NCKAP5: variants seen among roughly 807,000 people sequenced by gnomAD.
The protein encoded by NCKAP5 is NCK associated protein 5.
In NCKAP5, 92 loss-of-function variants were observed where a neutral mutation model predicts 167.0. The ratio of observed to expected loss-of-function variants is 0.55; its 90% CI spans 0.47 to 0.66. The LOEUF (loss-of-function observed/expected upper bound fraction) is 0.66. Ranked by LOEUF, NCKAP5 falls within the 30% of genes least tolerant of loss-of-function variation. The probability of loss-of-function intolerance (pLI) is 0.00; values close to 1 mark genes in which losing one functional copy is unlikely to be tolerated. For synonymous variants in NCKAP5, 891 were observed against 877.4 expected, an observed-to-expected ratio of 1.02 and a Z score of -0.27; for missense variants, 2,378 against 2,315.0, an observed-to-expected ratio of 1.03 and a Z score of -0.56.
intron 4 of NCKAP5, among the ~76,000 whole-genome samples, chr2:133,225,905 C>T (rs2086865897): frequency 6.6e-6 from 1 of 151,180 alleles, no homozygotes; most frequent in Non-Finnish European, 1.5e-5. Context: ...GCCTCAGCCT[C>T]CCGAGTAGCT....
At chr2:132,898,104 C>A (rs115180994) in intron 8 of NCKAP5, among the ~76,000 whole-genome samples, 131 of 152,332 alleles carry the variant, frequency 8.6e-4, no homozygotes, top group African/African-American at 3.1e-3. Flanking sequence ...CTTCTCAAAC[C>A]CTGCCAATGC....
chr2:133,022,150 C>A (rs1012160927), intron 6 of NCKAP5, among the ~76,000 whole-genome samples: 1 of 151,820 alleles, frequency 6.6e-6, no homozygotes, highest in Non-Finnish European at 1.5e-5. Context: ...AAGAACACGT[C>A]ACCTCAAAAT....
chr2:133,465,280 T>A (rs1692494240), intron 3 of NCKAP5, among the ~76,000 whole-genome samples: 2 of 151,768 alleles, frequency 1.3e-5, no homozygotes, highest in Admixed American at 6.6e-5. Context: ...GTTCTTGAGA[T>A]AGTTTACTGA....
At chr2:133,144,769 A>G (rs1294786534) in intron 5 of NCKAP5, among the ~76,000 whole-genome samples, 1 of 152,110 alleles carries the variant, frequency 6.6e-6, no homozygotes, top group African/African-American at 2.4e-5. Flanking sequence ...TTGGTGTTGA[A>G]CCATTAGCCA....
intron 7 of NCKAP5, among the ~76,000 whole-genome samples, chr2:132,993,423 G>T (rs1464726492): frequency 6.6e-6 from 1 of 152,128 alleles, no homozygotes; most frequent in Non-Finnish European, 1.5e-5. Flanking sequence ...CAGCTTTGCT[G>T]GTGTTAAAGG....
At chr2:132,923,335 T>C (rs1695588957) in intron 8 of NCKAP5, among the ~76,000 whole-genome samples, 1 of 152,170 alleles carries the variant, frequency 6.6e-6, no homozygotes, top group South Asian at 2.1e-4. Context: ...AATAAATCGA[T>C]GAAGGAAAAA....
At chr2:132,875,129 T>C (rs1047793862) in intron 9 of NCKAP5, among the ~76,000 whole-genome samples, 21 of 152,072 alleles carry the variant, frequency 1.4e-4, no homozygotes, top group Non-Finnish European at 2.4e-4. Context: ...AGGTGAATAT[T>C]ATAATCTCCT....
intron 3 of NCKAP5, among the ~76,000 whole-genome samples, chr2:133,369,797 G>T (rs543431796): frequency 2.0e-5 from 3 of 152,194 alleles, no homozygotes; most frequent in Non-Finnish European, 4.4e-5. Context: ...AAAAAGAGAG[G>T]TTATAAATAT....
At chr2:132,925,272 T>G (rs1453905756) in intron 8 of NCKAP5, among the ~76,000 whole-genome samples, 1 of 151,916 alleles carries the variant, frequency 6.6e-6, no homozygotes, top group African/African-American at 2.4e-5. Flanking sequence ...AATCTAATGC[T>G]GGCCAGGCAC....
chr2:133,530,175 A>G (rs533321743), intron 2 of NCKAP5, among the ~76,000 whole-genome samples: 3 of 152,180 alleles, frequency 2.0e-5, no homozygotes, highest in Non-Finnish European at 4.4e-5. Context: ...TTCTGTGATT[A>G]AAGTATTCCT....
At position 133,042,083 on chromosome 2, in the gene NCKAP5, TATC is replaced by T. The variant is rs1177180296; in HGVS notation, c.342-47847_342-47845del. ...TTTGATTAATCATCTGAGGATTAAA[TATC>T]ATCAATTTTTATTATGCATGGATTT... On this transcript the variant is annotated intron_variant, in intron 6 of 19. Coordinates refer to ENST00000409261, the MANE Select transcript of NCKAP5 (RefSeq NM_207363.3). Among the ~76,000 whole-genome samples, 7 of 152,282 alleles carry T rather than the reference TATC, an allele frequency of 4.6e-5. No individual in the cohort carries two copies. In the East Asian group the frequency reaches 7.7e-4, roughly 17 times the overall value.
intron 11 of NCKAP5, among the ~76,000 whole-genome samples, chr2:132,809,644 A>C (rs563228070): frequency 1.6e-4 from 25 of 152,104 alleles, no homozygotes; most frequent in South Asian, 6.2e-4. Context: ...CTTTAAGTTT[A>C]TGTGAGTTCT....
the NCKAP5 span, among the ~76,000 whole-genome samples, chr2:133,674,159 AG>A: frequency 1.3e-5 from 2 of 152,188 alleles, no homozygotes; most frequent in African/African-American, 4.8e-5. Flanking sequence ...GAATAAAGCA[AG>A]GCATTTCCAA....
chr2:133,027,993 G>A (rs181474410), intron 6 of NCKAP5, among the ~76,000 whole-genome samples: 10 of 152,036 alleles, frequency 6.6e-5, no homozygotes, highest in African/African-American at 1.7e-4. Context: ...AATCCAAAAC[G>A]TTTTGAGCAT....
chr2:133,431,340 A>C (rs1690146053), intron 3 of NCKAP5, among the ~76,000 whole-genome samples: 1 of 152,182 alleles, frequency 6.6e-6, no homozygotes, highest in Non-Finnish European at 1.5e-5. Flanking sequence ...TGTGTAACCT[A>C]CTTCCTGTAC....
intron 19 of NCKAP5, among the ~76,000 whole-genome samples, chr2:132,712,673 A>G (rs1426185863): frequency 6.6e-6 from 1 of 152,170 alleles, no homozygotes; most frequent in Non-Finnish European, 1.5e-5. Context: ...GGAAAAAAAA[A>G]GAACTATGTT....
Position 133,340,150 on chromosome 2 carries a change from C to T in NCKAP5, c.70-37040G>A, listed in dbSNP as rs564194699. On this transcript the variant is annotated intron_variant, in intron 3 of 19. Transcript: ENST00000409261. ...AAGGATGGCTTTTCATGGGGCAAAA[C>T]GGAATCATTTAAGAATTACATCAGA... Among the ~76,000 whole-genome samples, 139 of 152,224 alleles carry T rather than the reference C, an allele frequency of 9.1e-4. 1 individual carries two copies. Among genetic ancestry groups the T allele is most frequent in the African/African-American group, 2.8e-3 (115 of 41,530 alleles).
Position 132,783,617 on chromosome 2 carries a change from G to A in NCKAP5, c.3194C>T (p.Thr1065Ile), listed in dbSNP as rs754849864. Reference sequence around the variant, plus strand: ...ATGGGTTGAAGGAGAGATCCTGGGAGTCTGTAATCCTATGTCCCTTTGTGG... The same window carrying A: ...ATGGGTTGAAGGAGAGATCCTGGGAATCTGTAATCCTATGTCCCTTTGTGG... Reference protein sequence around the residue: ...GTPQRDIGLQTPRISPSTHEP... With the variant: ...GTPQRDIGLQIPRISPSTHEP... Residue 1065 changes from threonine to isoleucine, a missense_variant, in exon 14 of 20, where the codon ACT becomes ATT. By Grantham distance (89) the Thr-to-Ile change is moderately conservative. Transcript: ENST00000409261. 1.1e-5 allele frequency: 17 copies of A among 1,613,958 alleles called. No homozygotes were observed. Among genetic ancestry groups the A allele is most frequent in the Non-Finnish European group, 1.4e-5 (17 of 1,179,896 alleles).
intron 6 of NCKAP5, among the ~76,000 whole-genome samples, chr2:133,021,935 C>G (rs2078543455): frequency 6.6e-6 from 1 of 152,144 alleles, no homozygotes; most frequent in African/African-American, 2.4e-5. Context: ...CCAGCCTAAA[C>G]TCTAGTTCTT....
Sources: gnomAD v4.1 joint callset for allele counts (sites outside exome capture counted in the v4.1 genomes callset) on GRCh38, gnomAD v4.1.1 for gene constraint, MANE v1.5 for transcripts, NCBI Gene and HGNC (gene_info 2026-07-23, HGNC 2026-07-21) for gene names.